KSR2: variants seen among roughly 807,000 people sequenced by gnomAD.
KSR2 encodes kinase suppressor of ras 2.
KSR2 carries 25 observed loss-of-function variants against 107.8 expected under a neutral mutation model. The ratio of observed to expected loss-of-function variants is 0.23; its 90% CI spans 0.17 to 0.32. KSR2 has a LOEUF of 0.32. KSR2 is among the 10% of genes least tolerant of loss of function. The pLI is 1.00. For synonymous variants in KSR2, 480 were observed against 507.0 expected, an observed-to-expected ratio of 0.95 and a Z score of 0.71; for missense variants, 887 against 1,268.9, an observed-to-expected ratio of 0.70 and a Z score of 4.57.
At chr12:117,922,741 C>T (rs1172561314) in intron 1 of KSR2, among the ~76,000 whole-genome samples, 1 of 152,172 alleles carries the variant, frequency 6.6e-6, no homozygotes, top group East Asian at 1.9e-4. Flanking sequence ...ATCCATCTAC[C>T]ACATACAAGG....
chr12:117,531,729 C>T (rs1875649240), intron 10 of KSR2, 22 bp from the exon 11 acceptor site: 1 of 1,593,124 alleles, frequency 6.3e-7, no homozygotes, highest in Non-Finnish European at 8.5e-7. Context: ...AAGAAAACAT[C>T]AAAGTGAGTG....
chr12:117,626,367 T>C (rs960074069), intron 5 of KSR2, among the ~76,000 whole-genome samples: 2 of 152,110 alleles, frequency 1.3e-5, no homozygotes, highest in Non-Finnish European at 2.9e-5. Flanking sequence ...CCTCTACACA[T>C]TGCTTTAAAT....
At chr12:117,604,710 T>C (rs1207599457) in intron 5 of KSR2, among the ~76,000 whole-genome samples, 1 of 152,134 alleles carries the variant, frequency 6.6e-6, no homozygotes, top group Non-Finnish European at 1.5e-5. Context: ...TATAATCTTT[T>C]ATATAATATA....
rs147385902 is a variant in KSR2, at chr12:117,952,477, C to T, written c.180+15599G>A. Among the ~76,000 whole-genome samples the T allele has an allele frequency of 2.5e-3, 384 of 151,882 alleles. 1 individual carries two copies. The highest frequency in any genetic ancestry group is 8.8e-3 in the African/African-American group (364 of 41,390). On this transcript the variant is annotated intron_variant, in intron 1 of 19. Coordinates refer to ENST00000339824, the MANE Select transcript of KSR2 (RefSeq NM_173598.6). ...CAGCCTGGCCAACATAGCAAAACCC[C>T]GTCTCTACAAATACAAAATATTTGT... is the stretch of plus-strand genomic sequence containing the variant.
chr12:117,853,577 A>G (rs1205523829), intron 3 of KSR2, among the ~76,000 whole-genome samples: 3 of 151,882 alleles, frequency 2.0e-5, no homozygotes, highest in African/African-American at 7.3e-5. Flanking sequence ...CCTGGGTTCA[A>G]GCAATTCTCC....
chr12:117,655,777 T>G (rs1330198688), intron 5 of KSR2, among the ~76,000 whole-genome samples: 3 of 152,190 alleles, frequency 2.0e-5, no homozygotes, highest in African/African-American at 7.2e-5. Flanking sequence ...CAATGCTGGC[T>G]GGGGTGAATG....
At chr12:117,719,361 A>G (rs1047281878) in intron 4 of KSR2, among the ~76,000 whole-genome samples, 4 of 152,122 alleles carry the variant, frequency 2.6e-5, no homozygotes, top group African/African-American at 9.7e-5. Context: ...TACCCGGCTA[A>G]TTTTTTGAAC....
At chr12:117,633,869 C>T (rs1054316435) in intron 5 of KSR2, among the ~76,000 whole-genome samples, 5 of 152,198 alleles carry the variant, frequency 3.3e-5, no homozygotes, top group African/African-American at 1.2e-4. Context: ...TTCACCTGCA[C>T]TGTGCTCCTC....
chr12:117,681,896 G>A (rs1381793980), intron 4 of KSR2, among the ~76,000 whole-genome samples: 3 of 152,088 alleles, frequency 2.0e-5, no homozygotes, highest in African/African-American at 4.8e-5. Context: ...AGTACCATTT[G>A]AACTAGCAAT....
intron 1 of KSR2, among the ~76,000 whole-genome samples, chr12:117,935,963 C>G (rs113431286): frequency 1.3e-5 from 2 of 152,124 alleles, no homozygotes; most frequent in Non-Finnish European, 2.9e-5. Flanking sequence ...TTTCATGAAG[C>G]CTGCTCTGCT....
At chr12:117,928,339 T>C (rs1178278485) in intron 1 of KSR2, among the ~76,000 whole-genome samples, 3 of 151,924 alleles carry the variant, frequency 2.0e-5, no homozygotes, top group Admixed American at 6.6e-5. Context: ...TGCGCCACCA[T>C]ACCCGGCTAA....
intron 3 of KSR2, among the ~76,000 whole-genome samples, chr12:117,846,061 AAACAGCCTGCCCTTCCT>A (rs1171323989): frequency 4.0e-4 from 60 of 151,472 alleles, no homozygotes; most frequent in Admixed American, 3.7e-3. Context: ...CCTTCCTAAC[AAACAGCCTGCCCTTCCT>A]AACAGCCTGC....
chr12:117,467,685 CT>C (rs2137108100), intron 19 of KSR2: 3 of 351,444 alleles, frequency 8.5e-6, no homozygotes, highest in Non-Finnish European at 1.6e-5. Flanking sequence ...GGGGGTGGGA[CT>C]GGGATCCACA....
chr12:117,819,314 A>G (rs1891482778), intron 3 of KSR2, among the ~76,000 whole-genome samples: 1 of 152,186 alleles, frequency 6.6e-6, no homozygotes, highest in African/African-American at 2.4e-5. Context: ...GTTTAGTTGC[A>G]TTCTTTCATC....
At chr12:117,583,371 G>A in intron 5 of KSR2, among the ~76,000 whole-genome samples, 1 of 151,080 alleles carries the variant, frequency 6.6e-6, no homozygotes. Flanking sequence ...GTGGGTGGGT[G>A]GGTGGATGGA....
chr12:117,876,259 C>G (rs1403337332), intron 1 of KSR2, among the ~76,000 whole-genome samples: 1 of 152,222 alleles, frequency 6.6e-6, no homozygotes, highest in Non-Finnish European at 1.5e-5. Flanking sequence ...TGGAGAACGT[C>G]TCAAGTAACC....
At chr12:117,791,476 G>A (rs932227131) in intron 3 of KSR2, among the ~76,000 whole-genome samples, 39 of 152,158 alleles carry the variant, frequency 2.6e-4, no homozygotes, top group African/African-American at 8.9e-4. Flanking sequence ...CTAGAATGGA[G>A]TTTGTTACAT....
Position 117,525,356 on chromosome 12 carries a change from T to A in KSR2, c.1852-137A>T, listed in dbSNP as rs1875055107. 9.5e-6 allele frequency: 9 copies of A among 942,566 alleles called. No homozygotes were observed. The Admixed American group carries it at 2.4e-4, about 25-fold the overall frequency. 58.4% of individuals were successfully genotyped at this position (942,566 alleles called of 1,614,324 possible). On this transcript the variant is annotated intron_variant, in intron 13 of 19. Transcript: ENST00000339824. ...CATTTGGAGCTTGTGCAGACATACG[T>A]CCCTCTGTTTCCCCAGCTCTAGAAT...
Position 117,761,140 on chromosome 12 carries a change from T to C in KSR2, c.857A>G (p.Lys286Arg), listed in dbSNP as rs930667081. The C allele has an allele frequency of 1.2e-6, 2 of 1,610,676 alleles. No homozygotes were observed. The highest frequency in any genetic ancestry group is 2.7e-5 in the African/African-American group (2 of 74,760). ...TPPMRKKNKL[K>R]PPGTPPPSSR... ...GGAGGGCGGTGGGGTCCCCGGGGGCTTCAGCTTGTTCTTCTTCCTCATGGG... is the reference window on the plus strand; with the variant it reads ...GGAGGGCGGTGGGGTCCCCGGGGGCCTCAGCTTGTTCTTCTTCCTCATGGG... Residue 286 changes from lysine (K) to arginine (R), a missense_variant, in exon 4 of 20, where the codon AAG (lysine) becomes AGG (arginine). Transcript: ENST00000339824.
Sources: gnomAD v4.1 joint callset for allele counts (sites outside exome capture counted in the v4.1 genomes callset) on GRCh38, gnomAD v4.1.1 for gene constraint, MANE v1.5 for transcripts, NCBI Gene and HGNC (gene_info 2026-07-23, HGNC 2026-07-21) for gene names.